NBAS: variants seen among roughly 807,000 people sequenced by gnomAD.
The protein encoded by NBAS is NBAS subunit of NRZ tethering complex, also known as NAG/BC035112 fusion.
A neutral mutation model predicts 302.5 loss-of-function variants in NBAS; 219 were observed. That is an observed-to-expected ratio of 0.72 (90% CI 0.65 to 0.81). The LOEUF is 0.81. Among genes scored for constraint, NBAS ranks in the 30% least tolerant of loss-of-function variants. NBAS has a pLI of 0.00. For missense variants in NBAS, 2,932 were observed against 2,841.6 expected (o/e 1.03, Z -0.72); for synonymous variants, 1,118 against 1,021.6 (o/e 1.09, Z -1.80).
chr2:15,045,281 G>A, the NBAS span, among the ~76,000 whole-genome samples: 3 of 152,304 alleles, frequency 2.0e-5, 1 homozygote, highest in South Asian at 6.2e-4. Flanking sequence ...AGAACAGTGG[G>A]AGAGGAGCTG....
chr2:15,331,847 G>A (rs1047182102), intron 35 of NBAS, among the ~76,000 whole-genome samples: 1 of 152,146 alleles, frequency 6.6e-6, no homozygotes, highest in African/African-American at 2.4e-5. Context: ...AAATTTGTAG[G>A]TGTGATTAAC....
intron 9 of NBAS, 144 bp from the exon 10 acceptor site, chr2:15,511,494 A>G (rs973596673): frequency 2.6e-6 from 2 of 758,554 alleles, no homozygotes; most frequent in African/African-American, 3.5e-5. Flanking sequence ...AATATTTCAG[A>G]GGAAACAATC....
intron 28 of NBAS, among the ~76,000 whole-genome samples, chr2:15,390,686 T>C (rs184015649): frequency 1.3e-5 from 2 of 152,350 alleles, no homozygotes; most frequent in Non-Finnish European, 2.9e-5. Context: ...ACTATTTATA[T>C]GTATCCCATC....
At chr2:15,536,202 G>A (rs1663501373) in intron 8 of NBAS, among the ~76,000 whole-genome samples, 1 of 152,096 alleles carries the variant, frequency 6.6e-6, no homozygotes, top group Non-Finnish European at 1.5e-5. Context: ...GTGGATATAT[G>A]AATAGAAATA....
At chr2:15,088,816 G>A in the NBAS span, among the ~76,000 whole-genome samples, 15 of 152,346 alleles carry the variant, frequency 9.8e-5, no homozygotes, top group Non-Finnish European at 1.6e-4. Flanking sequence ...AATCTAGAGC[G>A]GCCAGCTCCT....
the NBAS span, among the ~76,000 whole-genome samples, chr2:14,782,654 C>A: frequency 1.3e-5 from 2 of 152,110 alleles, no homozygotes; most frequent in Non-Finnish European, 2.9e-5. Flanking sequence ...GACAGATGCA[C>A]ACATATGTTC....
Position 15,353,672 on chromosome 2 carries a change from G to T in NBAS, c.3970C>A (p.Gln1324Lys). 1 of 1,614,052 alleles carries T rather than the reference G, an allele frequency of 6.2e-7. No individual in the cohort carries two copies. Among genetic ancestry groups the T allele is most frequent in the Non-Finnish European group, 8.5e-7 (1 of 1,179,968 alleles). The change falls in exon 34 of 52, where the codon CAA (glutamine) becomes AAA (lysine). Residue 1324 changes from glutamine to lysine, a missense_variant. By Grantham distance (53) the Gln-to-Lys change is moderately conservative. Coordinates refer to ENST00000281513, the MANE Select transcript of NBAS (RefSeq NM_015909.4). Reference sequence around the variant, plus strand: ...GCCAAGTCCTGGTAACCTTCTGATTGTCCTAACTGGCTACAAACATCCCAA... The same window carrying T: ...GCCAAGTCCTGGTAACCTTCTGATTTTCCTAACTGGCTACAAACATCCCAA... ...KSWDVCSQLGQSEGYQDLATR... is the reference protein window; with the variant it reads ...KSWDVCSQLGKSEGYQDLATR...
At chr2:15,416,834 G>T (rs1006542407) in intron 24 of NBAS, among the ~76,000 whole-genome samples, 21 of 149,358 alleles carry the variant, frequency 1.4e-4, no homozygotes, top group African/African-American at 5.2e-4. Flanking sequence ...AAAAAAGGAA[G>T]ATAAATATAA....
intron 32 of NBAS, among the ~76,000 whole-genome samples, chr2:15,357,160 C>T (rs1396327017): frequency 6.6e-6 from 1 of 152,172 alleles, no homozygotes; most frequent in African/African-American, 2.4e-5. Context: ...GCCTCCTTAC[C>T]ACAGTGATTC....
At chr2:15,308,432 T>C in intron 39 of NBAS, 79 bp from the exon 40 acceptor site, 1 of 1,536,024 alleles carries the variant, frequency 6.5e-7, no homozygotes, top group Admixed American at 1.9e-5. Flanking sequence ...TTTCTAGTCA[T>C]TCCTGCAGAT....
intron 38 of NBAS, among the ~76,000 whole-genome samples, chr2:15,314,493 C>T (rs1040326986): frequency 3.4e-4 from 52 of 152,180 alleles, no homozygotes; most frequent in Non-Finnish European, 2.2e-4. Flanking sequence ...CCCATCTTTA[C>T]AGCTTCAATC....
chr2:14,984,802 C>T, the NBAS span, among the ~76,000 whole-genome samples: 2 of 152,180 alleles, frequency 1.3e-5, no homozygotes, highest in African/African-American at 4.8e-5. Context: ...TATGCATGAA[C>T]GTAGGCAGGT....
intron 11 of NBAS, among the ~76,000 whole-genome samples, chr2:15,490,754 G>A (rs1255086038): frequency 6.6e-6 from 1 of 152,160 alleles, no homozygotes; most frequent in Non-Finnish European, 1.5e-5. Flanking sequence ...CCCAACCAGG[G>A]CACGTCCATG....
chr2:15,390,355 A>T (rs1234131203), intron 28 of NBAS, among the ~76,000 whole-genome samples: 2 of 152,258 alleles, frequency 1.3e-5, no homozygotes, highest in African/African-American at 4.8e-5. Flanking sequence ...CAGACATAGA[A>T]AAATATTGCA....
the NBAS span, among the ~76,000 whole-genome samples, chr2:14,850,049 T>C: frequency 2.9e-5 from 4 of 137,866 alleles, no homozygotes; most frequent in Non-Finnish European, 4.5e-5. Flanking sequence ...GCTAACATCA[T>C]AATGACAGGA....
the NBAS span, among the ~76,000 whole-genome samples, chr2:14,945,603 C>A: frequency 2.2e-4 from 33 of 151,508 alleles, no homozygotes; most frequent in Non-Finnish European, 1.6e-4. Flanking sequence ...TTTTAAAAAT[C>A]AAACAAAAAT....
At chr2:15,047,515 G>A in the NBAS span, among the ~76,000 whole-genome samples, 1 of 152,054 alleles carries the variant, frequency 6.6e-6, no homozygotes, top group Non-Finnish European at 1.5e-5. Flanking sequence ...TGCAAGTGAA[G>A]GCTGGGCCCG....
chr2:14,901,440 T>TA, the NBAS span, among the ~76,000 whole-genome samples: 1,986 of 150,454 alleles, frequency 0.013, 41 homozygotes, highest in African/African-American at 0.046. Flanking sequence ...CAGGTAATTT[T>TA]AAAAAAAAAA....
chr2:14,859,409 T>C, the NBAS span, among the ~76,000 whole-genome samples: 1 of 151,656 alleles, frequency 6.6e-6, no homozygotes, highest in African/African-American at 2.4e-5. Context: ...ATAAAAAAAA[T>C]ATGGAGGTAT....
Sources: gnomAD v4.1 joint callset for allele counts (sites outside exome capture counted in the v4.1 genomes callset) on GRCh38, gnomAD v4.1.1 for gene constraint, MANE v1.5 for transcripts, NCBI Gene and HGNC (gene_info 2026-07-23, HGNC 2026-07-21) for gene names.